GRM8: variants seen among roughly 807,000 people sequenced by gnomAD.
GRM8 encodes the protein metabotropic glutamate receptor 8.
In GRM8, 47 loss-of-function variants were observed where a neutral mutation model predicts 87.2. That is an observed-to-expected ratio of 0.54 (90% CI 0.43 to 0.69). The LOEUF (loss-of-function observed/expected upper bound fraction) is 0.69, where lower values mean the gene tolerates loss of function less well. GRM8 is among the 30% of genes least tolerant of loss of function. The pLI is 0.00. For missense variants in GRM8, 1,019 were observed against 1,139.2 expected (o/e 0.89, Z 1.52); for synonymous variants, 396 against 404.5 (o/e 0.98, Z 0.25).
intron 3 of GRM8, among the ~76,000 whole-genome samples, chr7:126,937,757 C>A (rs1369461538): frequency 6.6e-6 from 1 of 152,190 alleles, no homozygotes; most frequent in African/African-American, 2.4e-5. Flanking sequence ...GATTTCATGG[C>A]AGATAACTTG....
intron 2 of GRM8, among the ~76,000 whole-genome samples, chr7:127,206,047 C>T (rs1449972641): frequency 1.3e-5 from 2 of 152,178 alleles, no homozygotes; most frequent in African/African-American, 4.8e-5. Context: ...AACTGAGCTA[C>T]CAGCATCAAG....
chr7:127,173,799 TA>T (rs1793948746), intron 2 of GRM8, among the ~76,000 whole-genome samples: 1 of 152,144 alleles, frequency 6.6e-6, no homozygotes, highest in Non-Finnish European at 1.5e-5. Context: ...TGCATCGTCC[TA>T]AAGGCGCACA....
At chr7:126,831,154 G>T (rs1012604907) in intron 6 of GRM8, among the ~76,000 whole-genome samples, 1 of 152,194 alleles carries the variant, frequency 6.6e-6, no homozygotes, top group Non-Finnish European at 1.5e-5. Flanking sequence ...GGGGTCAGGG[G>T]TCAGGGACCC....
Position 127,239,893 on chromosome 7 carries a change from G to A in GRM8, c.510+2802C>T, listed in dbSNP as rs188352144. On this transcript the variant is annotated intron_variant, in intron 2 of 10. Transcript: ENST00000339582. ...ACTGACGGACTTTTGAATTACAGAC[G>A]ATTTTCAAGTCCAATAACTTGGTTA... is the stretch of plus-strand genomic sequence containing the variant. 3.9e-5 allele frequency among the ~76,000 whole-genome samples: 6 copies of A among 152,278 alleles called. No homozygotes were observed. The East Asian group carries it at 5.8e-4, about 15-fold the overall frequency.
chr7:126,457,641 T>C (rs913359621), intron 9 of GRM8, among the ~76,000 whole-genome samples: 9 of 151,294 alleles, frequency 5.9e-5, no homozygotes, highest in Admixed American at 3.3e-4. Flanking sequence ...TAGCAAATAT[T>C]TTGAACTGAA....
In GRM8 at chr7:127,242,955, C is replaced by T. The variant is rs1798393458; in HGVS notation, c.250G>A (p.Asp84Asn). 1.9e-6 allele frequency: 3 copies of T among 1,614,126 alleles called. No individual in the cohort carries two copies. The South Asian group carries it at 3.3e-5, about 18-fold the overall frequency. The change falls in exon 2 of 11, where the codon GAC becomes AAC. Residue 84 changes from aspartate to asparagine, a missense_variant. Coordinates refer to ENST00000339582, the MANE Select transcript of GRM8 (RefSeq NM_000845.3). ...AGATCAGGGTCCTTGTTAATCTGGTCAATTGCATAAAGCATGGCCTCCAGT... is the reference window on the plus strand; with the variant it reads ...AGATCAGGGTCCTTGTTAATCTGGTTAATTGCATAAAGCATGGCCTCCAGT... ...HRLEAMLYAI[D>N]QINKDPDLLS... is the part of the protein sequence containing the mutation.
At chr7:126,916,796 C>G (rs1267388479) in intron 3 of GRM8, among the ~76,000 whole-genome samples, 1 of 152,080 alleles carries the variant, frequency 6.6e-6, no homozygotes, top group Non-Finnish European at 1.5e-5. Flanking sequence ...GACCATGGTA[C>G]GGCAGTAACC....
chr7:126,492,077 G>A (rs534855135), intron 9 of GRM8, among the ~76,000 whole-genome samples: 1 of 151,910 alleles, frequency 6.6e-6, no homozygotes, highest in Admixed American at 6.6e-5. Context: ...TTTTCTTTGA[G>A]GCAGGGTCTC....
At chr7:126,561,731 T>C (rs545932363) in intron 8 of GRM8, among the ~76,000 whole-genome samples, 2 of 151,710 alleles carry the variant, frequency 1.3e-5, no homozygotes, top group East Asian at 1.9e-4. Context: ...ACCCATTAAC[T>C]GGTCATTTAG....
intron 3 of GRM8, among the ~76,000 whole-genome samples, chr7:127,089,071 G>A (rs945440529): frequency 6.6e-6 from 1 of 152,202 alleles, no homozygotes; most frequent in Non-Finnish European, 1.5e-5. Flanking sequence ...CTGGAATAAG[G>A]TGTTTGCAAA....
At chr7:126,580,649 A>G (rs1232499986) in intron 8 of GRM8, among the ~76,000 whole-genome samples, 2 of 152,184 alleles carry the variant, frequency 1.3e-5, no homozygotes, top group East Asian at 3.8e-4. Context: ...CACTAGCTGA[A>G]TGAACTTAAA....
intron 6 of GRM8, among the ~76,000 whole-genome samples, chr7:126,835,093 A>AG (rs1554507217): frequency 2.0e-5 from 3 of 151,666 alleles, no homozygotes; most frequent in Non-Finnish European, 2.9e-5. Context: ...AAATAAAAAA[A>AG]AAAAGAAAAG....
intron 9 of GRM8, among the ~76,000 whole-genome samples, chr7:126,505,633 G>A (rs1177299328): frequency 6.6e-6 from 1 of 152,132 alleles, no homozygotes; most frequent in Middle Eastern, 3.4e-3. Context: ...CTTTCTAGAT[G>A]TCTCCTGCCC....
intron 2 of GRM8, among the ~76,000 whole-genome samples, chr7:127,141,308 T>TG (rs1380915338): frequency 6.6e-6 from 1 of 151,586 alleles, no homozygotes; most frequent in Non-Finnish European, 1.5e-5. Context: ...CTAGATACCC[T>TG]GGCGAAGCTA....
chr7:126,793,630 A>G (rs1821616887), intron 6 of GRM8, among the ~76,000 whole-genome samples: 1 of 152,232 alleles, frequency 6.6e-6, no homozygotes, highest in Non-Finnish European at 1.5e-5. Context: ...AAGCAATCAC[A>G]AGTCTCCTTA....
intron 6 of GRM8, among the ~76,000 whole-genome samples, chr7:126,773,437 G>T (rs2151617752): frequency 6.6e-6 from 1 of 152,204 alleles, no homozygotes; most frequent in East Asian, 1.9e-4. Flanking sequence ...TGGAATTCAT[G>T]TAACAGCTAG....
chr7:126,886,819 A>G (rs1049467822), intron 6 of GRM8, among the ~76,000 whole-genome samples: 4 of 152,154 alleles, frequency 2.6e-5, no homozygotes, highest in Admixed American at 2.0e-4. Flanking sequence ...TTTATATGTG[A>G]CCAGTTTTTG....
intron 9 of GRM8, among the ~76,000 whole-genome samples, chr7:126,525,749 C>A (rs1813724158): frequency 6.6e-6 from 1 of 152,092 alleles, no homozygotes; most frequent in South Asian, 2.1e-4. Context: ...TTCTCTCTCC[C>A]TCTCTTTCTC....
intron 2 of GRM8, among the ~76,000 whole-genome samples, chr7:127,223,074 G>T (rs1412146814): frequency 6.6e-6 from 1 of 152,194 alleles, no homozygotes; most frequent in Non-Finnish European, 1.5e-5. Context: ...GGAAGGCAGA[G>T]TAAATGTTCT....
Sources: gnomAD v4.1 joint callset for allele counts (sites outside exome capture counted in the v4.1 genomes callset) on GRCh38, gnomAD v4.1.1 for gene constraint, MANE v1.5 for transcripts, NCBI Gene and HGNC (gene_info 2026-07-23, HGNC 2026-07-21) for gene names.